The following FBXL13 variants were observed in gnomAD, a reference collection of about 807,000 sequenced individuals.
FBXL13 encodes F-box and leucine rich repeat protein 13, also known as F-box and leucine-rich repeat protein 13.
FBXL13 carries 67 observed loss-of-function variants against 83.6 expected under a neutral mutation model. The observed-to-expected ratio is 0.80, with a 90% CI of 0.66 to 0.98. The LOEUF (loss-of-function observed/expected upper bound fraction) is 0.98. FBXL13 is among the 50% of genes least tolerant of loss of function. The pLI, the probability that FBXL13 is intolerant of heterozygous loss-of-function variation, is 0.00. For missense variants in FBXL13, 822 were observed against 866.5 expected, an observed-to-expected ratio of 0.95 and a Z score of 0.64; for synonymous variants, 272 against 299.5, an observed-to-expected ratio of 0.91 and a Z score of 0.95.
chr7:102,883,224 A>G (rs1810349479), intron 14 of FBXL13, 81 bp downstream of exon 15: 7 of 1,359,574 alleles, frequency 5.1e-6, no homozygotes, highest in African/African-American at 1.5e-5. Flanking sequence ...TTACCCCACA[A>G]ACCATAAGTT....
intron 10 of FBXL13, among the ~76,000 whole-genome samples, chr7:102,925,569 C>T (rs2129471835): frequency 6.6e-6 from 1 of 152,222 alleles, no homozygotes; most frequent in South Asian, 2.1e-4. Context: ...GTGGGAGTCT[C>T]AACAGGTAGC....
At chr7:102,979,102 C>T (rs1446827535) in intron 6 of FBXL13, among the ~76,000 whole-genome samples, 2 of 152,134 alleles carry the variant, frequency 1.3e-5, no homozygotes, top group African/African-American at 2.4e-5. Flanking sequence ...TGTAGTTATT[C>T]GTAGACAAAT....
chr7:103,017,460 A>G (rs1421422529), intron 6 of FBXL13, among the ~76,000 whole-genome samples: 1 of 152,268 alleles, frequency 6.6e-6, no homozygotes, highest in East Asian at 1.9e-4. Flanking sequence ...CAGGAACAGA[A>G]CAAAGCTAGA....
chr7:102,980,592 A>C (rs946747753), intron 6 of FBXL13, among the ~76,000 whole-genome samples: 1 of 152,222 alleles, frequency 6.6e-6, no homozygotes, highest in Non-Finnish European at 1.5e-5. Flanking sequence ...CTTGGCTAAC[A>C]TGGTGAAACC....
chr7:102,932,221 A>T (rs978277629), intron 8 of FBXL13, among the ~76,000 whole-genome samples: 2 of 152,226 alleles, frequency 1.3e-5, no homozygotes, highest in Non-Finnish European at 2.9e-5. Context: ...TTAGCTTGAA[A>T]GCACTTGAAG....
chr7:102,849,496 G>A (rs927963877), intron 17 of FBXL13, among the ~76,000 whole-genome samples: 2 of 152,178 alleles, frequency 1.3e-5, no homozygotes, highest in Admixed American at 6.5e-5. Flanking sequence ...TATGTAGTGT[G>A]TAAGTTTTCA....
At chr7:102,812,507 C>A (rs1020792363), downstream of FBXL13, among the ~76,000 whole-genome samples, 1 of 152,080 alleles carries the variant, frequency 6.6e-6, no homozygotes, top group African/African-American at 2.4e-5. Context: ...AGTTAATTGG[C>A]GGCATTTAGT....
At chr7:102,915,419 G>T (rs2129469447) in intron 10 of FBXL13, among the ~76,000 whole-genome samples, 1 of 151,870 alleles carries the variant, frequency 6.6e-6, no homozygotes, top group African/African-American at 2.4e-5. Context: ...TCCATTTAAT[G>T]AAATGGATAC....
rs890463790 is a variant in FBXL13, at chr7:103,015,358, G to T, written c.495+9705C>A. ...TCCTAGCAAGAGAAATCAGGCAATAGAAAGAAATAAAAGATGCTCAAAGGA... is the reference window on the plus strand; with the variant it reads ...TCCTAGCAAGAGAAATCAGGCAATATAAAGAAATAAAAGATGCTCAAAGGA... On this transcript the variant is annotated intron_variant, in intron 6 of 19. Coordinates refer to ENST00000313221, the Ensembl canonical transcript of FBXL13. 1.3e-5 allele frequency among the ~76,000 whole-genome samples: 2 copies of T among 152,116 alleles called. 1 individual carries two copies. The highest frequency in any genetic ancestry group is 1.3e-4 in the Admixed American group (2 of 15,268).
intron 6 of FBXL13, among the ~76,000 whole-genome samples, chr7:102,977,171 G>T (rs916936630): frequency 6.6e-6 from 1 of 152,226 alleles, no homozygotes; most frequent in Admixed American, 6.5e-5. Flanking sequence ...CACTTGGGCG[G>T]AGGATGGTTC....
chr7:102,983,057 A>G (rs913679291), intron 6 of FBXL13, among the ~76,000 whole-genome samples: 1 of 152,056 alleles, frequency 6.6e-6, no homozygotes, highest in Non-Finnish European at 1.5e-5. Context: ...GCACTTTCTC[A>G]TGGGTCACAT....
At chr7:102,913,745 A>T (rs1815244062) in intron 10 of FBXL13, among the ~76,000 whole-genome samples, 2 of 152,236 alleles carry the variant, frequency 1.3e-5, no homozygotes, top group Admixed American at 6.5e-5. Flanking sequence ...AAATGAGTTT[A>T]AAAAATAGGT....
chr7:102,906,027 G>A (rs539671589), intron 11 of FBXL13, among the ~76,000 whole-genome samples: 19 of 152,256 alleles, frequency 1.2e-4, no homozygotes, highest in African/African-American at 3.4e-4. Flanking sequence ...GAATCATGGC[G>A]GGAGGCAAAA....
intron 6 of FBXL13, among the ~76,000 whole-genome samples, chr7:102,971,168 A>G (rs1350549901): frequency 6.6e-6 from 1 of 152,242 alleles, no homozygotes. Context: ...AAAGCACAGG[A>G]AAATTTTTCA....
chr7:102,948,582 C>T (rs1407260306), intron 8 of FBXL13, among the ~76,000 whole-genome samples: 1 of 151,966 alleles, frequency 6.6e-6, no homozygotes, highest in African/African-American at 2.4e-5. Context: ...CGCCACCACA[C>T]CCAGCTAATG....
intron 7 of FBXL13, among the ~76,000 whole-genome samples, chr7:102,964,112 A>C (rs1298407905): frequency 2.0e-5 from 3 of 152,068 alleles, no homozygotes; most frequent in Non-Finnish European, 4.4e-5. Context: ...CGAGTTCAAG[A>C]CCAGCCTAGC....
At position 102,931,754 on chromosome 7, in the gene FBXL13, T is replaced by C. The variant is rs1819218459; in HGVS notation, c.777+127A>G. 3.9e-6 allele frequency: 3 copies of C among 773,760 alleles called. No individual in the cohort carries two copies. In the Admixed American group the frequency reaches 8.0e-5, roughly 21 times the overall value. The allele number at this position is 773,760 out of a possible 1,614,324, so 47.9% of individuals were successfully genotyped here. A position where few individuals can be genotyped will look rare whatever the true frequency, so the allele number is the denominator to read the frequency against. On this transcript the variant is annotated intron_variant, in intron 9 of 19. Coordinates refer to ENST00000313221, the Ensembl canonical transcript of FBXL13. ...TGGAGTAAAATTTCTTGTCAATGTT[T>C]AACATAGTTTGCTCTTTTCCACATT...
intron 2 of FBXL13, 45 bp from the exon 3 acceptor site, chr7:103,055,223 T>TTTG: frequency 2.9e-6 from 3 of 1,039,226 alleles, no homozygotes; most frequent in Non-Finnish European, 3.9e-6. Flanking sequence ...TTTCATTAAT[T>TTTG]AGTTAGTTCC....
At chr7:102,925,979 G>C (rs946501934) in intron 10 of FBXL13, among the ~76,000 whole-genome samples, 1 of 150,192 alleles carries the variant, frequency 6.7e-6, no homozygotes, top group Non-Finnish European at 1.5e-5. Context: ...CACCAGACTG[G>C]AATGTAAGGG....
Sources: gnomAD v4.1 joint callset for allele counts (sites outside exome capture counted in the v4.1 genomes callset) on GRCh38, gnomAD v4.1.1 for gene constraint, MANE v1.5 for transcripts, NCBI Gene and HGNC (gene_info 2026-07-23, HGNC 2026-07-21) for gene names.